Variants in DNAH11 observed in about 807,000 individuals in gnomAD.
DNAH11 encodes the protein axonemal beta dynein heavy chain 11.
Under a neutral mutation model 526.0 loss-of-function variants are expected in DNAH11, and 442 were observed. The ratio of observed to expected loss-of-function variants is 0.84; its 90% confidence interval spans 0.78 to 0.91. DNAH11 has a LOEUF of 0.91. DNAH11 is among the 40% of genes least tolerant of loss of function. DNAH11 has a pLI of 0.00. For synonymous variants in DNAH11, 2,461 were observed against 1,935.9 expected, an observed-to-expected ratio of 1.27 and a Z score of -7.12; for missense variants, 6,989 against 5,448.7, an observed-to-expected ratio of 1.28 and a Z score of -8.90.
chr7:21,735,172 A>T (rs1389827801), intron 45 of DNAH11, among the ~76,000 whole-genome samples: 1 of 152,140 alleles, frequency 6.6e-6, no homozygotes, highest in Non-Finnish European at 1.5e-5. Context: ...ACCGTCTCAG[A>T]ACAAACAAAC....
chr7:21,589,404 G>A lies in DNAH11; in HGVS notation c.2169+1G>A. 1.3e-6 allele frequency: 2 copies of A among 1,592,782 alleles called. No individual in the cohort carries two copies. The highest frequency in any genetic ancestry group is 1.7e-6 in the Non-Finnish European group (2 of 1,172,146). On this transcript the variant is annotated splice_donor_variant, in intron 12 of 81. Coordinates refer to ENST00000409508, the MANE Select transcript of DNAH11 (RefSeq NM_001277115.2). LOFTEE classifies it high-confidence loss of function. ...TCTCTGTGTCAATTTTGACCCAAAGGTAGGGATTTGATTTTTTAAGATGAT... is the reference window on the plus strand; with the variant it reads ...TCTCTGTGTCAATTTTGACCCAAAGATAGGGATTTGATTTTTTAAGATGAT...
chr7:21,803,737 T>C (rs1225370608), intron 62 of DNAH11, among the ~76,000 whole-genome samples: 1 of 150,296 alleles, frequency 6.7e-6, no homozygotes, highest in African/African-American at 2.5e-5. Flanking sequence ...TCTGGAAAAG[T>C]GGACAATGGG....
intron 57 of DNAH11, among the ~76,000 whole-genome samples, chr7:21,783,167 T>G (rs528897616): frequency 6.6e-6 from 1 of 152,280 alleles, no homozygotes; most frequent in Non-Finnish European, 1.5e-5. Flanking sequence ...ATTTTCATGG[T>G]CCATTCCTGG....
chr7:21,701,338 G>A (rs1784049296), intron 36 of DNAH11, among the ~76,000 whole-genome samples: 1 of 147,452 alleles, frequency 6.8e-6, no homozygotes, highest in South Asian at 2.1e-4. Flanking sequence ...TACCCAGGCT[G>A]GAGTACAGTA....
At position 21,682,512 on chromosome 7, in the gene DNAH11, C is replaced by A. The variant is rs775544760; in HGVS notation, c.5460+835C>A. ...CTGCACTCCAGCCTGGGTGACAGAG[C>A]GAGACTCCATCTCAAAAAAAAAAAA... On this transcript the variant is annotated intron_variant, in intron 31 of 81. Coordinates refer to ENST00000409508, the MANE Select transcript of DNAH11 (RefSeq NM_001277115.2). Among the ~76,000 whole-genome samples the A allele has an allele frequency of 5.8e-5, 7 of 121,044 alleles. No individual in the cohort carries two copies. In the East Asian group the frequency reaches 1.2e-3, roughly 20 times the overall value. 79.4% of individuals were successfully genotyped at this position (121,044 alleles called of 152,430 possible). A position where few individuals can be genotyped will look rare whatever the true frequency, so the allele number is the denominator to read the frequency against.
chr7:21,777,382 G>A (rs900889085), intron 56 of DNAH11, among the ~76,000 whole-genome samples: 1 of 151,502 alleles, frequency 6.6e-6, no homozygotes, highest in East Asian at 1.9e-4. Context: ...AAGCTGTTAT[G>A]AATACCCGTG....
chr7:21,749,756 C>G lies in DNAH11; in HGVS notation c.8752C>G (p.Leu2918Val), dbSNP rs1216328081. The G allele has an allele frequency of 1.2e-6, 2 of 1,613,846 alleles. No individual in the cohort carries two copies. Among genetic ancestry groups the G allele is most frequent in the East Asian group, 2.2e-5 (1 of 44,898 alleles). The change falls in exon 53 of 82, where the codon CTA becomes GTA. Residue 2918 changes from leucine (L) to valine (V), a missense_variant. Physicochemically the swap from Leu to Val is conservative, Grantham distance 32 (BLOSUM62 1). Coordinates refer to ENST00000409508, the MANE Select transcript of DNAH11 (RefSeq NM_001277115.2). The stretch of plus-strand genomic sequence containing the variant: ...GTTCCTGCTGACAGATGCCCAGGTT[C>G]TAGATGAGAGCTTCCTCGTGCTGAT... ...TVFLLTDAQVLDESFLVLIND... is the reference protein window; with the variant it reads ...TVFLLTDAQVVDESFLVLIND...
chr7:21,786,676 A>T lies in DNAH11; in HGVS notation c.9650A>T (p.Asn3217Ile). Residue 3217 changes from asparagine to isoleucine, a missense_variant, in exon 59 of 82, where the codon AAT (asparagine) becomes ATT (isoleucine). Asn to Ile is a moderately radical substitution (Grantham distance 149). Coordinates refer to ENST00000409508, the MANE Select transcript of DNAH11 (RefSeq NM_001277115.2). ...CCCAACCCTCCCATCGCAGTTACCA[A>T]TGTTACTGCAGCCGTGATGGTCCTT... Reference protein sequence around the residue: ...AFPNPPIAVTNVTAAVMVLLA... With the variant: ...AFPNPPIAVTIVTAAVMVLLA... The T allele has an allele frequency of 6.2e-7, 1 of 1,613,666 alleles. No individual in the cohort carries two copies. Among genetic ancestry groups the T allele is most frequent in the Non-Finnish European group, 8.5e-7 (1 of 1,179,700 alleles).
At chr7:21,793,893 C>T (rs1788588646) in intron 61 of DNAH11, among the ~76,000 whole-genome samples, 1 of 152,194 alleles carries the variant, frequency 6.6e-6, no homozygotes, top group Admixed American at 6.5e-5. Context: ...CCCTCTTGAA[C>T]TCCAGTGACT....
At chr7:21,659,887 G>A (rs1391819649) in intron 30 of DNAH11, among the ~76,000 whole-genome samples, 1 of 152,038 alleles carries the variant, frequency 6.6e-6, no homozygotes. Context: ...TTCAAGTGTG[G>A]ATTATTCCTT....
intron 54 of DNAH11, among the ~76,000 whole-genome samples, chr7:21,753,676 C>G (rs1786507698): frequency 6.6e-6 from 1 of 152,148 alleles, no homozygotes; most frequent in Non-Finnish European, 1.5e-5. Context: ...GTTCTCTTTT[C>G]TTGTTAACTG....
intron 30 of DNAH11, among the ~76,000 whole-genome samples, chr7:21,664,042 C>A (rs934719384): frequency 5.3e-5 from 8 of 151,704 alleles, no homozygotes; most frequent in African/African-American, 1.9e-4. Flanking sequence ...ACATTCCCAC[C>A]AACAGTGTAC....
chr7:21,757,063 G>GGATGGATATTTA (rs2128495025), intron 54 of DNAH11, among the ~76,000 whole-genome samples: 1 of 152,296 alleles, frequency 6.6e-6, no homozygotes, highest in East Asian at 1.9e-4. Flanking sequence ...AAGGAGGAAT[G>GGATGGATATTTA]GATGGATATT....
Position 21,720,861 on chromosome 7 carries a change from G to A in DNAH11, c.7266+5G>A, listed in dbSNP as rs149364992. ...GGCACCCTGCTACAAGATCAGGTAT[G>A]TTTAGAAATAGTTTACAGGACCAGT... is the stretch of plus-strand genomic sequence containing the variant. On this transcript the variant is annotated splice_donor_5th_base_variant and intron_variant, in intron 44 of 81. Transcript: ENST00000409508. The A allele has an allele frequency of 1.3e-4, 204 of 1,611,070 alleles. No homozygotes were observed. The African/African-American group carries it at 1.9e-3, about 15-fold the overall frequency.
Position 21,765,610 on chromosome 7 carries a change from T to A in DNAH11, c.9102+21T>A, listed in dbSNP as rs1187737266. ...TTGAGGTATGCCGTGTCAGCCTGCG[T>A]CACACACACACACACACACACACAC... On this transcript the variant is annotated intron_variant, in intron 55 of 81. Coordinates refer to ENST00000409508, the MANE Select transcript of DNAH11 (RefSeq NM_001277115.2). The A allele has an allele frequency of 1.0e-5, 10 of 956,380 alleles. 1 individual carries two copies. The highest frequency in any genetic ancestry group is 7.9e-5 in the African/African-American group (5 of 63,174). The allele number at this position is 956,380 out of a possible 1,614,324, so 59.2% of individuals were successfully genotyped here.
chr7:21,744,361 G>GT, intron 49 of DNAH11, 77 bp from the exon 50 acceptor site: 1 of 1,478,626 alleles, frequency 6.8e-7, no homozygotes, highest in Middle Eastern at 1.8e-4. Flanking sequence ...TCACATTTTA[G>GT]TTTAAAAAGT....
At chr7:21,811,492 C>T (rs1226573919) in intron 63 of DNAH11, among the ~76,000 whole-genome samples, 1 of 151,600 alleles carries the variant, frequency 6.6e-6, no homozygotes, top group Non-Finnish European at 1.5e-5. Context: ...ACAAATACTT[C>T]AAACTTTACG....
intron 39 of DNAH11, among the ~76,000 whole-genome samples, chr7:21,707,439 A>G (rs1001811717): frequency 7.9e-5 from 12 of 152,252 alleles, no homozygotes; most frequent in Admixed American, 3.9e-4. Flanking sequence ...AAAAATCTCA[A>G]GTGAGAAAGT....
chr7:21,724,671 T>C (rs1019675875), intron 44 of DNAH11, among the ~76,000 whole-genome samples: 1 of 145,936 alleles, frequency 6.9e-6, no homozygotes, highest in African/African-American at 2.6e-5. Flanking sequence ...ATCCTATGAA[T>C]ATAGGAAACA....
Sources: gnomAD v4.1 joint callset for allele counts (sites outside exome capture counted in the v4.1 genomes callset) on GRCh38, gnomAD v4.1.1 for gene constraint, MANE v1.5 for transcripts, NCBI Gene and HGNC (gene_info 2026-07-23, HGNC 2026-07-21) for gene names.